Variants in DOC2B observed in about 807,000 individuals in gnomAD.
DOC2B encodes double C2-like domain-containing protein beta.
In DOC2B, 21 loss-of-function variants were observed where a neutral mutation model predicts 28.9. That is an observed-to-expected ratio of 0.73 (90% CI 0.52 to 1.05). The LOEUF (loss-of-function observed/expected upper bound fraction) is 1.05, where lower values mean the gene tolerates loss of function less well. DOC2B is among the 50% of genes least tolerant of loss of function. DOC2B has a pLI of 0.00. For synonymous variants in DOC2B, 194 were observed against 178.1 expected (o/e 1.09, Z -0.71); for missense variants, 384 against 421.1 (o/e 0.91, Z 0.77).
chr17:145,123 G>C lies in DOC2B; in HGVS notation c.*2318C>G, dbSNP rs2040009723. 1 of 152,182 alleles carries C rather than the reference G, an allele frequency of 6.6e-6. No homozygotes were observed. Among genetic ancestry groups the C allele is most frequent in the East Asian group, 1.9e-4 (1 of 5,174 alleles). 9.4% of individuals were successfully genotyped at this position (152,182 alleles called of 1,614,324 possible). A position where few individuals can be genotyped will look rare whatever the true frequency, so the allele number is the denominator to read the frequency against. On this transcript the variant is annotated 3_prime_UTR_variant, in exon 9 of 9. Coordinates refer to ENST00000613549, the MANE Select transcript of DOC2B (RefSeq NM_003585.5). ...GGCTAGGGTGGGGTGGCTGAGTTTT[G>C]GGGCCAGGTTAGACACCTCTGGGGA...
At position 149,472 on chromosome 17, in the gene DOC2B, C is replaced by A. The variant is rs1459944262; in HGVS notation, c.924-280G>T. On this transcript the variant is annotated intron_variant, in intron 6 of 8. Coordinates refer to ENST00000613549, the MANE Select transcript of DOC2B (RefSeq NM_003585.5). ...CATCCCCCTAGGAAAGGGGTTTTTCCTCATTTCTGGAAGTCTAATTTTCAT... is the reference window on the plus strand; with the variant it reads ...CATCCCCCTAGGAAAGGGGTTTTTCATCATTTCTGGAAGTCTAATTTTCAT... 1.2e-4 allele frequency among the ~76,000 whole-genome samples: 18 copies of A among 152,294 alleles called. No individual in the cohort carries two copies. In the South Asian group the frequency reaches 3.7e-3, roughly 32 times the overall value.
rs975129121 is a variant in DOC2B at position 145,708 on chromosome 17, T to G, written c.*1733A>C. ...CCACCGTCGTGCCTGTGAGTCCCTC[T>G]ATCGGTGTTGAAGGGGTGGGCAGCA... On this transcript the variant is annotated 3_prime_UTR_variant, in exon 9 of 9. Coordinates refer to ENST00000613549, the MANE Select transcript of DOC2B (RefSeq NM_003585.5). 6.5e-6 allele frequency: 1 copy of G among 153,332 alleles called. No individual in the cohort carries two copies. The highest frequency in any genetic ancestry group is 1.5e-5 in the Non-Finnish European group (1 of 68,960). 9.5% of individuals were successfully genotyped at this position (153,332 alleles called of 1,614,324 possible). A position where few individuals can be genotyped will look rare whatever the true frequency, so the allele number is the denominator to read the frequency against.
chr17:157,418 CA>C, intron 5 of DOC2B, among the ~76,000 whole-genome samples: 1 of 152,306 alleles, frequency 6.6e-6, no homozygotes, highest in Non-Finnish European at 1.5e-5. Flanking sequence ...CCTGCTTCCT[CA>C]GGGCTCTGCC....
intron 1 of DOC2B, among the ~76,000 whole-genome samples, 198 bp from the exon 2 acceptor site, chr17:172,814 CCCCACTTT>C (rs2040327744): frequency 6.6e-6 from 1 of 152,216 alleles, no homozygotes; most frequent in Admixed American, 6.5e-5. Context: ...ACAATAATCT[CCCCACTTT>C]CCAGAGGAGG....
chr17:156,138 C>T (rs1597819268), intron 6 of DOC2B, 82 bp downstream of exon 6: 4 of 1,449,884 alleles, frequency 2.8e-6, no homozygotes, highest in East Asian at 2.6e-5. Flanking sequence ...GTGCCTGCCA[C>T]CTGGGACCAC....
At chr17:178,194 T>C (rs1275383524) in intron 1 of DOC2B, among the ~76,000 whole-genome samples, 1 of 152,228 alleles carries the variant, frequency 6.6e-6, no homozygotes, top group Admixed American at 6.5e-5. Flanking sequence ...GGTCTGCACC[T>C]GAACCTTCCT....
chr17:181,030 A>G lies in DOC2B; in HGVS notation c.373+77T>C. ...GCGAGCGCGCGAGGGGGACCGGCGG[A>G]GGGAAGCCGCGAGGCCGTGGGGGGG... is the stretch of plus-strand genomic sequence containing the variant. On this transcript the variant is annotated intron_variant, in intron 1 of 8. Coordinates refer to ENST00000613549, the MANE Select transcript of DOC2B (RefSeq NM_003585.5). The surrounding 1 kb of genome is among the most constrained non-coding windows in gnomAD (Gnocchi z 7.0). The G allele has an allele frequency of 8.7e-7, 1 of 1,151,540 alleles. No homozygotes were observed. The highest frequency in any genetic ancestry group is 4.3e-5 in the South Asian group (1 of 23,276). 71.3% of individuals were successfully genotyped at this position (1,151,540 alleles called of 1,614,324 possible).
intron 1 of DOC2B, among the ~76,000 whole-genome samples, chr17:180,275 C>T (rs2040423801): frequency 6.6e-6 from 1 of 152,216 alleles, no homozygotes; most frequent in Non-Finnish European, 1.5e-5. Context: ...CGGCTCGGGC[C>T]GGACAGGCAC....
chr17:172,987 A>C (rs906935567), intron 1 of DOC2B, among the ~76,000 whole-genome samples: 1 of 152,190 alleles, frequency 6.6e-6, no homozygotes, highest in Admixed American at 6.5e-5. Context: ...CACCTGTGAA[A>C]TGTCACAAGG....
chr17:174,776 A>G (rs529310511), intron 1 of DOC2B, among the ~76,000 whole-genome samples: 24 of 152,176 alleles, frequency 1.6e-4, no homozygotes, highest in African/African-American at 5.8e-4. Flanking sequence ...TGTTTCTCCC[A>G]TGAGACCAGG....
intron 1 of DOC2B, among the ~76,000 whole-genome samples, chr17:173,910 C>G (rs2040340425): frequency 6.6e-6 from 1 of 152,224 alleles, no homozygotes; most frequent in Non-Finnish European, 1.5e-5. Flanking sequence ...CACACCTGAC[C>G]AGGCCCATCA....
rs139168697 is a variant in DOC2B at position 176,099 on chromosome 17, G to T, written c.374-3483C>A. 2.7e-3 allele frequency among the ~76,000 whole-genome samples: 406 copies of T among 152,270 alleles called. 3 individuals are homozygous for T. Among genetic ancestry groups the T allele is most frequent in the African/African-American group, 8.4e-3 (350 of 41,562 alleles). On this transcript the variant is annotated intron_variant, in intron 1 of 8. Transcript: ENST00000613549. Reference sequence around the variant, plus strand: ...AGAAATGAGGCTCAGAGAGGGGAGGGGAGCTGCTCAGCGTGGCCCAGCAGA... The same window carrying T: ...AGAAATGAGGCTCAGAGAGGGGAGGTGAGCTGCTCAGCGTGGCCCAGCAGA...
At chr17:176,409 G>C (rs1430107658) in intron 1 of DOC2B, among the ~76,000 whole-genome samples, 2 of 151,826 alleles carry the variant, frequency 1.3e-5, no homozygotes, top group African/African-American at 4.8e-5. Flanking sequence ...GTGCGGGGGG[G>C]TAGGTCTCAC....
At chr17:170,911 C>G (rs111351479) in intron 2 of DOC2B, among the ~76,000 whole-genome samples, 196 of 13,950 alleles carry the variant, frequency 0.014, 60 homozygotes, top group East Asian at 0.03. Context: ...CTGCAGAGGG[C>G]AGCACCAGGG....
chr17:154,568 T>C (rs942054297), intron 6 of DOC2B, among the ~76,000 whole-genome samples: 1 of 152,238 alleles, frequency 6.6e-6, no homozygotes. Context: ...AGTGCTGCTA[T>C]GAACATTCCT....
At position 157,559 on chromosome 17, in the gene DOC2B, T is replaced by G. The variant is rs538015839; in HGVS notation, c.766-1182A>C. On this transcript the variant is annotated intron_variant, in intron 5 of 8. Transcript: ENST00000613549. ...TCACTACAACCTCTGCCTCCCGGGT[T>G]TAAGCGATTCTCCTGCCTCAGCCTT... is the stretch of plus-strand genomic sequence containing the variant. 3.3e-3 allele frequency among the ~76,000 whole-genome samples: 498 copies of G among 152,300 alleles called. 5 individuals are homozygous for G. Among genetic ancestry groups the G allele is most frequent in the Non-Finnish European group, 3.5e-3 (236 of 68,026 alleles).
At chr17:165,803 T>C (rs2151469788) in intron 2 of DOC2B, among the ~76,000 whole-genome samples, 1 of 152,212 alleles carries the variant, frequency 6.6e-6, no homozygotes, top group East Asian at 1.9e-4. Context: ...GTGCCTGAAG[T>C]GCAGAGTTCT....
At position 147,541 on chromosome 17, in the gene DOC2B, C is replaced by T. The variant is rs1172315406; in HGVS notation, c.1139G>A (p.Arg380His). The T allele has an allele frequency of 5.0e-5, 20 of 398,700 alleles. No homozygotes were observed. The highest frequency in any genetic ancestry group is 1.3e-4 in the South Asian group (1 of 7,866). The allele number at this position is 398,700 out of a possible 1,614,324, so 24.7% of individuals were successfully genotyped here. ...VVLGIHAKGE[R>H]LKHWFDCLKN... ...CAGGCAGTCAAACCAGTGCTTCAGGCGCTCCCCCTTGGCGTGGATGCCCAG... is the reference window on the plus strand; with the variant it reads ...CAGGCAGTCAAACCAGTGCTTCAGGTGCTCCCCCTTGGCGTGGATGCCCAG... Residue 380 changes from arginine to histidine, a missense_variant, in exon 9 of 9, where the codon CGC becomes CAC. Arg to His is a conservative substitution (Grantham distance 29, BLOSUM62 0). Transcript: ENST00000613549.
chr17:175,386 G>A (rs1298609525), intron 1 of DOC2B, among the ~76,000 whole-genome samples: 1 of 151,850 alleles, frequency 6.6e-6, no homozygotes, highest in Non-Finnish European at 1.5e-5. Flanking sequence ...CTGCTGGAAG[G>A]GAGGTGTATC....
Sources: allele counts gnomAD v4.1 joint callset (sites outside exome capture counted in the v4.1 genomes callset), GRCh38; gene constraint gnomAD v4.1.1; non-coding constraint Gnocchi (gnomAD v3.1); transcripts MANE v1.5; gene names NCBI Gene and HGNC (gene_info 2026-07-23, HGNC 2026-07-21).